Variants in CDH18 observed in about 807,000 individuals in gnomAD.
CDH18 encodes cadherin 18.
CDH18 carries 31 observed loss-of-function variants against 67.9 expected under a neutral mutation model. That is an observed-to-expected ratio of 0.46 (90% confidence interval 0.34 to 0.62). CDH18 has a LOEUF of 0.62. CDH18 is among the 20% of genes least tolerant of loss of function. The probability of loss-of-function intolerance (pLI) is 0.01; values close to 1 mark genes in which losing one functional copy is unlikely to be tolerated. For missense variants in CDH18, 890 were observed against 975.5 expected (o/e 0.91, Z 1.17); for synonymous variants, 362 against 347.2 (o/e 1.04, Z -0.48).
At chr5:19,890,509 G>A (rs1262003692) in intron 2 of CDH18, among the ~76,000 whole-genome samples, 1 of 152,006 alleles carries the variant, frequency 6.6e-6, no homozygotes. Context: ...TACTTGGCTT[G>A]CTGAGAAACG....
At chr5:20,070,358 GT>G (rs559885767) in intron 2 of CDH18, among the ~76,000 whole-genome samples, 9 of 151,988 alleles carry the variant, frequency 5.9e-5, no homozygotes, top group Non-Finnish European at 1.0e-4. Context: ...CTAATAAAGG[GT>G]TTTTTTGGTA....
At chr5:20,406,340 A>G (rs964922189) in intron 1 of CDH18, among the ~76,000 whole-genome samples, 1 of 151,998 alleles carries the variant, frequency 6.6e-6, no homozygotes, top group African/African-American at 2.4e-5. Flanking sequence ...AAGACAAAAA[A>G]CCAAACACCG....
intron 2 of CDH18, among the ~76,000 whole-genome samples, chr5:20,183,466 A>T (rs2126691997): frequency 6.6e-6 from 1 of 152,176 alleles, no homozygotes; most frequent in Admixed American, 6.6e-5. Context: ...ATTTTATCTT[A>T]GTCATGGCTA....
intron 1 of CDH18, among the ~76,000 whole-genome samples, chr5:20,524,973 TG>T (rs1561094119): frequency 6.6e-6 from 1 of 152,070 alleles, no homozygotes; most frequent in Non-Finnish European, 1.5e-5. Context: ...GTCTCTTGCT[TG>T]GGGGAAACAA....
At chr5:19,857,664 A>T (rs555498967) in intron 2 of CDH18, among the ~76,000 whole-genome samples, 1 of 152,260 alleles carries the variant, frequency 6.6e-6, no homozygotes, top group East Asian at 1.9e-4. Context: ...ATGATAAATA[A>T]GTATATAAAC....
chr5:20,360,905 C>T (rs570140441), intron 1 of CDH18, among the ~76,000 whole-genome samples: 109 of 151,854 alleles, frequency 7.2e-4, no homozygotes, highest in Non-Finnish European at 1.3e-3. Context: ...AATTTCAAAT[C>T]GAAGATATAT....
intron 2 of CDH18, among the ~76,000 whole-genome samples, chr5:19,976,284 T>A (rs1401555566): frequency 6.6e-6 from 1 of 152,118 alleles, no homozygotes; most frequent in African/African-American, 2.4e-5. Context: ...TCTTTAGATA[T>A]CACAGACAAT....
intron 2 of CDH18, among the ~76,000 whole-genome samples, chr5:20,076,486 T>C (rs576593758): frequency 1.3e-5 from 2 of 152,238 alleles, no homozygotes; most frequent in Non-Finnish European, 2.9e-5. Flanking sequence ...AATCATGTCT[T>C]TTAAAATAAA....
intron 3 of CDH18, among the ~76,000 whole-genome samples, chr5:19,775,749 C>G (rs755609235): frequency 1.3e-5 from 2 of 152,064 alleles, no homozygotes; most frequent in Admixed American, 1.3e-4. Flanking sequence ...AGATGTACAT[C>G]AGCAATATAA....
At chr5:19,648,897 T>C (rs140109289) in intron 5 of CDH18, among the ~76,000 whole-genome samples, 60 of 152,174 alleles carry the variant, frequency 3.9e-4, no homozygotes, top group East Asian at 3.3e-3. Flanking sequence ...AATGAAGCTA[T>C]TTGCTTTATT....
chr5:19,650,693 G>A (rs1417465677), intron 5 of CDH18, among the ~76,000 whole-genome samples: 1 of 151,954 alleles, frequency 6.6e-6, no homozygotes, highest in Non-Finnish European at 1.5e-5. Context: ...GAGATAATAG[G>A]GGTCCTAGTC....
chr5:20,015,509 A>C (rs1037658818), intron 2 of CDH18, among the ~76,000 whole-genome samples: 4 of 152,196 alleles, frequency 2.6e-5, no homozygotes, highest in Non-Finnish European at 5.9e-5. Flanking sequence ...CACCATGTTT[A>C]CACTCATGGC....
intron 1 of CDH18, among the ~76,000 whole-genome samples, chr5:20,260,577 C>A (rs1744574207): frequency 6.6e-6 from 1 of 152,076 alleles, no homozygotes; most frequent in South Asian, 2.1e-4. Flanking sequence ...TTAAACAGTT[C>A]TGTATTAGAG....
intron 1 of CDH18, among the ~76,000 whole-genome samples, chr5:20,281,910 C>T (rs187521981): frequency 9.9e-4 from 150 of 152,188 alleles, no homozygotes; most frequent in African/African-American, 3.5e-3. Context: ...CTGTAGTTCT[C>T]CTTGAACAGA....
chr5:20,283,268 G>A (rs1232859235), intron 1 of CDH18, among the ~76,000 whole-genome samples: 1 of 152,044 alleles, frequency 6.6e-6, no homozygotes, highest in East Asian at 1.9e-4. Flanking sequence ...ATCACATCAA[G>A]TTAAAAAGTT....
At chr5:20,371,801 CT>C (rs1214054004) in intron 1 of CDH18, among the ~76,000 whole-genome samples, 2 of 152,084 alleles carry the variant, frequency 1.3e-5, no homozygotes, top group African/African-American at 2.4e-5. Flanking sequence ...CCACACAGGG[CT>C]TGTGACACAA....
At chr5:19,601,369 T>C (rs1281198594) in intron 6 of CDH18, among the ~76,000 whole-genome samples, 1 of 152,138 alleles carries the variant, frequency 6.6e-6, no homozygotes, top group East Asian at 1.9e-4. Context: ...ATAATGAATA[T>C]ATTCTTTTAA....
chr5:19,941,072 A>C (rs1210378440), intron 2 of CDH18, among the ~76,000 whole-genome samples: 1 of 152,036 alleles, frequency 6.6e-6, no homozygotes, highest in African/African-American at 2.4e-5. Context: ...AATCCCCAAT[A>C]TGATAGTATT....
chr5:19,865,639 A>C (rs1305244195), intron 2 of CDH18, among the ~76,000 whole-genome samples: 1 of 151,988 alleles, frequency 6.6e-6, no homozygotes, highest in Non-Finnish European at 1.5e-5. Context: ...CAGGTGCTTA[A>C]TGCTCATTAG....
Sources: gnomAD v4.1 joint callset for allele counts (sites outside exome capture counted in the v4.1 genomes callset) on GRCh38, gnomAD v4.1.1 for gene constraint, MANE v1.5 for transcripts, NCBI Gene and HGNC (gene_info 2026-07-23, HGNC 2026-07-21) for gene names.